RSRC2: variants seen among roughly 807,000 people sequenced by gnomAD.
RSRC2 encodes the protein arginine and serine rich coiled-coil 2.
RSRC2 carries 5 observed loss-of-function variants against 61.3 expected under a neutral mutation model. The observed-to-expected ratio is 0.08, with a 90% CI of 0.04 to 0.17. RSRC2 has a LOEUF of 0.17. Ranked by LOEUF, RSRC2 falls within the 10% of genes least tolerant of loss-of-function variation. The pLI, the probability that RSRC2 is intolerant of heterozygous loss-of-function variation, is 1.00. For synonymous variants in RSRC2, 202 were observed against 166.5 expected (o/e 1.21, Z -1.64); for missense variants, 381 against 518.8 (o/e 0.73, Z 2.58).
At chr12:122,521,334 G>C (rs1959202878) in intron 3 of RSRC2, 51 bp downstream of exon 3, 1 of 1,391,290 alleles carries the variant, frequency 7.2e-7, no homozygotes, top group Admixed American at 1.7e-5. Flanking sequence ...CTTTCTACCA[G>C]ACACTTTATA....
At chr12:122,508,194 G>A in intron 8 of RSRC2, 24 bp downstream of exon 8, 1 of 1,589,478 alleles carries the variant, frequency 6.3e-7, no homozygotes, top group Non-Finnish European at 8.6e-7. Context: ...ATAAACGACA[G>A]AAAAGCAGAA....
At chr12:122,518,736 A>C in intron 4 of RSRC2, 103 bp downstream of exon 4, 1 of 923,706 alleles carries the variant, frequency 1.1e-6, no homozygotes, top group Non-Finnish European at 1.7e-6. Context: ...ACAAACGAAC[A>C]AGAAAAACTC....
rs1472176842 is a variant in RSRC2 at position 122,514,234 on chromosome 12, A to G, written c.725+871T>C. ...TTTCACCATTACTCATCTTTGAAAC[A>G]GCAGAAAATTTATTTTTGTGTGTGT... On this transcript the variant is annotated intron_variant, in intron 6 of 9. Coordinates refer to ENST00000331738, the MANE Select transcript of RSRC2 (RefSeq NM_023012.6). Among the ~76,000 whole-genome samples, 4 of 150,448 alleles carry G rather than the reference A, an allele frequency of 2.7e-5. 1 individual carries two copies. The highest frequency in any genetic ancestry group is 5.9e-5 in the Non-Finnish European group (4 of 67,788).
chr12:122,520,349 A>G (rs1424513692), intron 3 of RSRC2: 2 of 400,294 alleles, frequency 5.0e-6, no homozygotes, highest in Non-Finnish European at 9.2e-6. Flanking sequence ...CAGACTGGAA[A>G]AGTCTTAAGT....
chr12:122,513,633 T>C (rs1565894484), intron 6 of RSRC2: 5 of 205,798 alleles, frequency 2.4e-5, no homozygotes, highest in Admixed American at 1.3e-4. Flanking sequence ...AAATCCAATT[T>C]TATAGTAAAT....
At position 122,517,304 on chromosome 12, in the gene RSRC2, C is replaced by A. The variant is rs1379005279; in HGVS notation, c.525G>T (p.Arg175=). Residue 175 remains arginine, a synonymous_variant, in exon 5 of 10, where the codon CGG becomes CGT. Transcript: ENST00000331738. ...ATCTTGAGCGGGAACGAGACCTGATCCGCCGTTTTCTTTCCCTGCTTCTGG... is the reference window on the plus strand; with the variant it reads ...ATCTTGAGCGGGAACGAGACCTGATACGCCGTTTTCTTTCCCTGCTTCTGG... ...SRSRSRERKR[R]IRSRSRSRSR... is the part of the protein sequence containing the mutation. The A allele has an allele frequency of 1.2e-6, 2 of 1,613,992 alleles. No homozygotes were observed. The highest frequency in any genetic ancestry group is 1.1e-5 in the South Asian group (1 of 91,076).
intron 4 of RSRC2, among the ~76,000 whole-genome samples, chr12:122,517,862 A>G (rs1429887310): frequency 6.6e-6 from 1 of 152,192 alleles, no homozygotes; most frequent in Non-Finnish European, 1.5e-5. Context: ...CTTTTTATCT[A>G]TACTCCAACA....
intron 6 of RSRC2, 121 bp downstream of exon 6, chr12:122,514,982 AAT>A: frequency 1.8e-6 from 2 of 1,095,036 alleles, no homozygotes; most frequent in Admixed American, 2.3e-5. Flanking sequence ...CTAGATCACA[AAT>A]ATGCCACCAT....
At chr12:122,520,605 T>G in intron 3 of RSRC2, 1 of 1,341,472 alleles carries the variant, frequency 7.5e-7, no homozygotes, top group Non-Finnish European at 1.0e-6. Context: ...ATTATAGAAA[T>G]GTTATCATGT....
intron 7 of RSRC2, among the ~76,000 whole-genome samples, chr12:122,509,375 G>A (rs936098016): frequency 1.1e-4 from 17 of 151,754 alleles, no homozygotes; most frequent in African/African-American, 3.9e-4. Flanking sequence ...ACTTGAACCC[G>A]AGAGGTGGAG....
chr12:122,526,451 T>C (rs1385429715), intron 1 of RSRC2, among the ~76,000 whole-genome samples: 1 of 151,844 alleles, frequency 6.6e-6, no homozygotes, highest in Non-Finnish European at 1.5e-5. Context: ...TTTGACCCAA[T>C]ACTTTTCAGA....
rs906155928 is a variant in RSRC2, at chr12:122,504,552, G to A, written c.*975C>T. On this transcript the variant is annotated 3_prime_UTR_variant, in exon 10 of 10. Coordinates refer to ENST00000331738, the MANE Select transcript of RSRC2 (RefSeq NM_023012.6). ...GAGGTGGGAGAATTGCTTGAACCTG[G>A]GGGGCAGAGGCTCTGGCAGTGAGCC... is the stretch of plus-strand genomic sequence containing the variant. The A allele has an allele frequency of 2.6e-5, 4 of 152,170 alleles. No individual in the cohort carries two copies. Among genetic ancestry groups the A allele is most frequent in the African/African-American group, 9.7e-5 (4 of 41,418 alleles). The allele number at this position is 152,170 out of a possible 1,614,324, so 9.4% of individuals were successfully genotyped here.
At chr12:122,521,319 C>A in intron 3 of RSRC2, 66 bp downstream of exon 3, 2 of 1,271,288 alleles carry the variant, frequency 1.6e-6, no homozygotes, top group Non-Finnish European at 2.3e-6. Flanking sequence ...TATATTCATA[C>A]AAATCTTTCT....
intron 1 of RSRC2, chr12:122,523,499 A>C (rs1351064284): frequency 6.6e-6 from 1 of 152,276 alleles, no homozygotes; most frequent in Non-Finnish European, 1.5e-5. Flanking sequence ...CCTGGGAAAG[A>C]ATGTGACAGA....
intron 1 of RSRC2, among the ~76,000 whole-genome samples, chr12:122,525,816 T>TCGGAC: frequency 1.5e-4 from 1 of 6,656 alleles, no homozygotes; most frequent in East Asian, 0.017. Flanking sequence ...TTTTTTTTTT[T>TCGGAC]TTTTTTTTTT....
intron 7 of RSRC2, among the ~76,000 whole-genome samples, chr12:122,509,369 G>A (rs556777513): frequency 9.2e-5 from 14 of 151,546 alleles, no homozygotes; most frequent in Non-Finnish European, 2.1e-4. Context: ...AGAATCACTT[G>A]AACCCGAGAG....
At chr12:122,523,240 G>C (rs1959499727) in intron 1 of RSRC2, 1 of 152,292 alleles carries the variant, frequency 6.6e-6, no homozygotes, top group Non-Finnish European at 1.5e-5. Context: ...TAAAACGCCA[G>C]TGTTGTGGCT....
intron 6 of RSRC2, chr12:122,514,558 A>G: frequency 2.1e-6 from 2 of 972,774 alleles, no homozygotes; most frequent in South Asian, 4.8e-5. Context: ...GACCGATTGC[A>G]CCCGGCCGAA....
chr12:122,509,177 A>T (rs1423521713), intron 7 of RSRC2, among the ~76,000 whole-genome samples: 3 of 152,012 alleles, frequency 2.0e-5, no homozygotes, highest in African/African-American at 7.2e-5. Flanking sequence ...GGCTGGGCGC[A>T]GTGGCTCACG....
Sources: gnomAD v4.1 joint callset for allele counts (sites outside exome capture counted in the v4.1 genomes callset) on GRCh38, gnomAD v4.1.1 for gene constraint, MANE v1.5 for transcripts, NCBI Gene and HGNC (gene_info 2026-07-23, HGNC 2026-07-21) for gene names.